The following DNAJC9 variants were observed in gnomAD, a reference collection of about 807,000 sequenced individuals.
DNAJC9 encodes the protein DnaJ heat shock protein family (Hsp40) member C9.
Under a neutral mutation model 32.4 loss-of-function variants are expected in DNAJC9, and 18 were observed. The observed-to-expected ratio is 0.56, with a 90% confidence interval of 0.38 to 0.82. The LOEUF (loss-of-function observed/expected upper bound fraction) is 0.82. Ranked by LOEUF, DNAJC9 falls within the 40% of genes least tolerant of loss-of-function variation. DNAJC9 has a pLI of 0.00. For missense variants in DNAJC9, 310 were observed against 321.8 expected, an observed-to-expected ratio of 0.96 and a Z score of 0.28; for synonymous variants, 113 against 122.1, an observed-to-expected ratio of 0.93 and a Z score of 0.49.
downstream of DNAJC9, chr10:73,241,113 C>G (rs991662933): frequency 1.3e-6 from 1 of 771,522 alleles, no homozygotes; most frequent in East Asian, 2.8e-5. Context: ...TATAGAAGAT[C>G]GACTAGAAAT....
chr10:73,247,185 C>T lies in DNAJC9; in HGVS notation c.5G>A (p.Gly2Glu). The T allele has an allele frequency of 6.3e-7, 1 of 1,591,518 alleles. No individual in the cohort carries two copies. Among genetic ancestry groups the T allele is most frequent in the Non-Finnish European group, 8.5e-7 (1 of 1,170,088 alleles). Residue 2 changes from glycine to glutamate, a missense_variant, in exon 1 of 5, where the codon GGG (glycine) becomes GAG (glutamate). Physicochemically the swap from Gly to Glu is moderately conservative, Grantham distance 98. Coordinates refer to ENST00000372950, the MANE Select transcript of DNAJC9 (RefSeq NM_015190.5). ...CACTTCCTCGCAAAGGTCCAGCAGC[C>T]CCATGCCGGGCGGAGATACGACCCC... M[G>E]LLDLCEEVFG...
rs563849642 is a variant in DNAJC9 at position 73,232,995 on chromosome 10, G to A, written n.147+10848C>T. 1.5e-5 allele frequency: 24 copies of A among 1,551,962 alleles called. No homozygotes were observed. Among genetic ancestry groups the A allele is most frequent in the East Asian group, 2.4e-5 (1 of 40,916 alleles). ...GGGTCCAGTACCATCCTTTCAACTC[G>A]AAATTGGCCAAATCGAGCTGTGGAG... On this transcript the variant is annotated intron_variant and non_coding_transcript_variant, in intron 2 of 2. Transcript: ENST00000469143.
downstream of DNAJC9, among the ~76,000 whole-genome samples, chr10:73,236,394 C>T (rs1435548175): frequency 1.3e-5 from 2 of 150,904 alleles, no homozygotes; most frequent in South Asian, 2.1e-4. Context: ...CTTGCAGCTG[C>T]ATCACTCCCA....
chr10:73,239,282 A>G (rs1156900634), downstream of DNAJC9: 8 of 1,531,486 alleles, frequency 5.2e-6, no homozygotes, highest in African/African-American at 2.7e-5. Flanking sequence ...AAGATGCATC[A>G]TAAGAAGTGT....
rs2043981897 is a variant in DNAJC9, at chr10:73,244,095, G to C, written c.577-166C>G. 8.3e-5 allele frequency: 50 copies of C among 602,236 alleles called. 1 individual carries two copies. The South Asian group carries it at 1.1e-3, about 13-fold the overall frequency. The allele number at this position is 602,236 out of a possible 1,614,324, so 37.3% of individuals were successfully genotyped here. A position where few individuals can be genotyped will look rare whatever the true frequency, so the allele number is the denominator to read the frequency against. ...TCATTCATTAAATGGCAACAATGCT[G>C]ACAGCAAGCAGTAGATCCTCTGATT... On this transcript the variant is annotated intron_variant, in intron 3 of 4. Coordinates refer to ENST00000372950, the MANE Select transcript of DNAJC9 (RefSeq NM_015190.5).
chr10:73,241,174 A>AT (rs1348194225), downstream of DNAJC9: 2 of 610,196 alleles, frequency 3.3e-6, no homozygotes, highest in Non-Finnish European at 5.9e-6. Context: ...ACAAAACACC[A>AT]TAGCAGCCAA....
rs2044020498 is a variant in DNAJC9 at position 73,246,921 on chromosome 10, A to G, written c.180+89T>C. On this transcript the variant is annotated intron_variant, in intron 1 of 4. Coordinates refer to ENST00000372950, the MANE Select transcript of DNAJC9 (RefSeq NM_015190.5). ...GATCAGAAGGCGCCAAGCGGAGCTC[A>G]GCGCGCTCCCCCGGGGCGGGGCCCG... The G allele has an allele frequency of 5.0e-6, 8 of 1,591,584 alleles. No individual in the cohort carries two copies. The Admixed American group carries it at 6.9e-5, about 14-fold the overall frequency.
chr10:73,241,369 C>CA (rs1373061116), downstream of DNAJC9: 1 of 235,196 alleles, frequency 4.3e-6, no homozygotes, highest in African/African-American at 2.3e-5. Flanking sequence ...CACACATACA[C>CA]AAAAAGCAGC....
chr10:73,246,921 A>C, intron 1 of DNAJC9, 89 bp downstream of exon 1: 1 of 1,591,702 alleles, frequency 6.3e-7, no homozygotes, highest in Non-Finnish European at 8.6e-7. Context: ...AGCGGAGCTC[A>C]GCGCGCTCCC....
chr10:73,243,871 C>T lies in DNAJC9; in HGVS notation c.635G>A (p.Gly212Asp), dbSNP rs765054910. The change falls in exon 4 of 5, where the codon GGC (glycine) becomes GAC (aspartate). Residue 212 changes from glycine to aspartate, a missense_variant. Gly to Asp is a moderately conservative substitution (Grantham distance 94, BLOSUM62 -1). Coordinates refer to ENST00000372950, the MANE Select transcript of DNAJC9 (RefSeq NM_015190.5). ...AATGGCTGCCTTCAGGCTATCCACGCCTTCATCAAGCCCCAACTCCTTTCT... is the reference window on the plus strand; with the variant it reads ...AATGGCTGCCTTCAGGCTATCCACGTCTTCATCAAGCCCCAACTCCTTTCT... ...MSRKELGLDE[G>D]VDSLKAAIQS... is the part of the protein sequence containing the mutation. The T allele has an allele frequency of 1.9e-5, 31 of 1,613,990 alleles. No individual in the cohort carries two copies. In the Admixed American group the frequency reaches 4.0e-4, roughly 21 times the overall value.
At position 73,247,088 on chromosome 10, in the gene DNAJC9, G is replaced by T; in HGVS notation, c.102C>A (p.Gly34=). 1 of 1,595,676 alleles carries T rather than the reference G, an allele frequency of 6.3e-7. No homozygotes were observed. The change falls in exon 1 of 5, where the codon GGC becomes GGA. Residue 34 remains glycine, a synonymous_variant. Transcript: ENST00000372950. ...REASDGEVRR[G]YHKVSLQVHP... ...GTACCTGCAGGGACACCTTGTGGTA[G>T]CCTCGTCGGACCTCGCCGTCGGAGG... is the stretch of plus-strand genomic sequence containing the variant.
At chr10:73,246,548 G>C in intron 2 of DNAJC9, 140 bp downstream of exon 2, 1 of 924,872 alleles carries the variant, frequency 1.1e-6, no homozygotes, top group Non-Finnish European at 1.7e-6. Context: ...AAGCGTGCGT[G>C]TATCTGTATT....
chr10:73,237,454 T>C (rs900216103), downstream of DNAJC9, among the ~76,000 whole-genome samples: 4 of 152,096 alleles, frequency 2.6e-5, no homozygotes, highest in Admixed American at 2.0e-4. Context: ...TCTTACTCTG[T>C]CGCCCAGGCT....
At position 73,246,130 on chromosome 10, in the gene DNAJC9, G is replaced by A. The variant is rs771929188; in HGVS notation, c.368C>T (p.Ser123Leu). Residue 123 changes from serine to leucine, a missense_variant, in exon 3 of 5, where the codon TCG becomes TTG. By Grantham distance (145) the Ser-to-Leu change is moderately radical. Coordinates refer to ENST00000372950, the MANE Select transcript of DNAJC9 (RefSeq NM_015190.5). ...IQAFEKTYKG[S>L]EEELADIKQA... is the part of the protein sequence containing the mutation. ...CTTAATATCAGCCAGCTCTTCTTCC[G>A]AACCTTTGTATGTCTTTTCAAAAGC... 3 of 1,613,618 alleles carry A rather than the reference G, an allele frequency of 1.9e-6. No homozygotes were observed. Among genetic ancestry groups the A allele is most frequent in the East Asian group, 2.2e-5 (1 of 44,898 alleles).
downstream of DNAJC9, among the ~76,000 whole-genome samples, chr10:73,235,866 C>T (rs1271984425): frequency 1.3e-5 from 2 of 152,154 alleles, no homozygotes; most frequent in South Asian, 2.1e-4. Flanking sequence ...GTTTTAAATG[C>T]TGACACTGCC....
chr10:73,240,240 G>C (rs758412840), downstream of DNAJC9, among the ~76,000 whole-genome samples: 2 of 152,156 alleles, frequency 1.3e-5, no homozygotes, highest in Non-Finnish European at 2.9e-5. Context: ...GATGTTTCCT[G>C]TTAATGATCA....
chr10:73,238,063 G>A (rs1165860824), downstream of DNAJC9, among the ~76,000 whole-genome samples: 4 of 152,060 alleles, frequency 2.6e-5, no homozygotes, highest in African/African-American at 9.7e-5. Flanking sequence ...TGCTAGCTGT[G>A]AGCCGGCTGC....
downstream of DNAJC9, chr10:73,234,185 G>A (rs1439761065): frequency 6.6e-6 from 1 of 152,326 alleles, no homozygotes; most frequent in Non-Finnish European, 1.5e-5. Flanking sequence ...GCATTATTAT[G>A]TGGATGTAGC....
rs112436589 is a variant in DNAJC9 at position 73,245,877 on chromosome 10, T to G, written c.576+45A>C. The G allele has an allele frequency of 4.9e-5, 78 of 1,598,014 alleles. No individual in the cohort carries two copies. The African/African-American group carries it at 8.8e-4, about 18-fold the overall frequency. ...CTGCTGTAAATACTCTCAAATCCTT[T>G]TTGGAAGCAGTCAAAATATAAATCC... On this transcript the variant is annotated intron_variant, in intron 3 of 4. Coordinates refer to ENST00000372950, the MANE Select transcript of DNAJC9 (RefSeq NM_015190.5).
Sources: gnomAD v4.1 joint callset for allele counts (sites outside exome capture counted in the v4.1 genomes callset) on GRCh38, gnomAD v4.1.1 for gene constraint, MANE v1.5 for transcripts, NCBI Gene and HGNC (gene_info 2026-07-23, HGNC 2026-07-21) for gene names.